JAKMIP1: variants seen among roughly 807,000 people sequenced by gnomAD.
The protein encoded by JAKMIP1 is janus kinase and microtubule interacting protein 1.
A neutral mutation model predicts 113.0 loss-of-function variants in JAKMIP1; 33 were observed. That is an observed-to-expected ratio of 0.29 (90% CI 0.22 to 0.39). The LOEUF is 0.39. Among genes scored for constraint, JAKMIP1 ranks in the 10% least tolerant of loss-of-function variants. The pLI is 1.00. For missense variants in JAKMIP1, 813 were observed against 1,080.5 expected (o/e 0.75, Z 3.47); for synonymous variants, 480 against 459.9 (o/e 1.04, Z -0.56).
At chr4:6,120,180 CTTT>C (rs11370537) in intron 1 of JAKMIP1, among the ~76,000 whole-genome samples, 2 of 146,690 alleles carry the variant, frequency 1.4e-5, no homozygotes, top group Admixed American at 6.8e-5. Context: ...TCTAGCCACA[CTTT>C]TTTTTTTTTT....
chr4:6,066,820 C>T (rs1271508856), intron 8 of JAKMIP1, among the ~76,000 whole-genome samples: 1 of 152,164 alleles, frequency 6.6e-6, no homozygotes, highest in African/African-American at 2.4e-5. Context: ...AGGCAGGCTA[C>T]AAGTGGTCTG....
chr4:6,166,023 C>T (rs777257473), intron 1 of JAKMIP1, among the ~76,000 whole-genome samples: 28 of 152,166 alleles, frequency 1.8e-4, no homozygotes, highest in Non-Finnish European at 3.2e-4. Flanking sequence ...TCCACTTTCA[C>T]GTCACCTCCT....
intron 1 of JAKMIP1, among the ~76,000 whole-genome samples, chr4:6,123,368 G>A (rs1431764701): frequency 6.6e-6 from 1 of 152,202 alleles, no homozygotes; most frequent in Non-Finnish European, 1.5e-5. Context: ...GGGCCTAAGG[G>A]ACACAGGGAA....
rs779293050 is a variant in JAKMIP1, at chr4:6,157,605, G to A, written c.-148+42648C>T. On this transcript the variant is annotated intron_variant, in intron 1 of 20. Transcript: ENST00000409021. This position sits in a 1 kb window ranked among gnomAD's most constrained non-coding sequence, Gnocchi z 4.7. The stretch of plus-strand genomic sequence containing the variant: ...ATCACAACTCAGAACCGGGATCTCC[G>A]AGCTACAATCCCACCAGAATCCCAG... Among the ~76,000 whole-genome samples the A allele has an allele frequency of 1.4e-4, 21 of 152,056 alleles. No homozygotes were observed. The highest frequency in any genetic ancestry group is 2.6e-4 in the Admixed American group (4 of 15,278).
chr4:6,102,948 T>A (rs1713318515), intron 3 of JAKMIP1, among the ~76,000 whole-genome samples: 1 of 151,924 alleles, frequency 6.6e-6, no homozygotes, highest in Non-Finnish European at 1.5e-5. Context: ...TTAGCCAGGA[T>A]GGTCTCAATC....
chr4:6,107,964 G>A (rs533600949), intron 2 of JAKMIP1, among the ~76,000 whole-genome samples: 4 of 152,146 alleles, frequency 2.6e-5, no homozygotes, highest in Admixed American at 6.5e-5. Flanking sequence ...CTGCATCAGG[G>A]GTGGGCAGCC....
chr4:6,097,468 CT>C lies in JAKMIP1; in HGVS notation c.624+8004del, dbSNP rs923947237. Among the ~76,000 whole-genome samples the C allele has an allele frequency of 1.2e-4, 18 of 152,096 alleles. No homozygotes were observed. The highest frequency in any genetic ancestry group is 2.6e-4 in the Non-Finnish European group (18 of 68,018). ...CACAGCTGATGGGGGCTAGGGGGATCTTTTTTCCCCTTGGGTATGCTAAATA... is the reference window on the plus strand; with the variant it reads ...CACAGCTGATGGGGGCTAGGGGGATCTTTTTCCCCTTGGGTATGCTAAATA... On this transcript the variant is annotated intron_variant, in intron 3 of 20. Coordinates refer to ENST00000409021, the MANE Select transcript of JAKMIP1 (RefSeq NM_001099433.2). This position sits in a 1 kb window ranked among gnomAD's most constrained non-coding sequence, Gnocchi z 4.3.
At position 6,065,159 on chromosome 4, in the gene JAKMIP1, G is replaced by A. The variant is rs760041349; in HGVS notation, c.1303-151C>T. On this transcript the variant is annotated intron_variant, in intron 8 of 20. Transcript: ENST00000409021. The surrounding 1 kb of genome is among the most constrained non-coding windows in gnomAD (Gnocchi z 5.1). ...GATGCGGTTGGTGGGCTTCGTAACT[G>A]ACTGGGTGGGATAAAAGGTGGCAGC... 6.3e-6 allele frequency: 6 copies of A among 954,352 alleles called. No homozygotes were observed. Among genetic ancestry groups the A allele is most frequent in the Non-Finnish European group, 9.8e-6 (6 of 612,946 alleles). 59.1% of individuals were successfully genotyped at this position (954,352 alleles called of 1,614,324 possible). A position where few individuals can be genotyped will look rare whatever the true frequency, so the allele number is the denominator to read the frequency against.
At chr4:6,107,027 G>A (rs1004613111) in intron 2 of JAKMIP1, among the ~76,000 whole-genome samples, 1 of 152,108 alleles carries the variant, frequency 6.6e-6, no homozygotes, top group Non-Finnish European at 1.5e-5. Flanking sequence ...AGGTAAAAAA[G>A]CAAATAAAAC....
Position 6,070,489 on chromosome 4 carries a change from G to A in JAKMIP1, c.1303-5481C>T, listed in dbSNP as rs562511702. Reference sequence around the variant, plus strand: ...TCCAGGGGCGGGATAGGGTGCCTTCGTCACAGAGGACAGCCTCCGAACCAG... The same window carrying A: ...TCCAGGGGCGGGATAGGGTGCCTTCATCACAGAGGACAGCCTCCGAACCAG... On this transcript the variant is annotated intron_variant, in intron 8 of 20. Transcript: ENST00000409021. Among the ~76,000 whole-genome samples the A allele has an allele frequency of 2.6e-4, 39 of 152,342 alleles. 1 individual carries two copies. The highest frequency in any genetic ancestry group is 1.5e-3 in the East Asian group (8 of 5,178).
chr4:6,139,334 C>T lies in JAKMIP1; in HGVS notation c.-147-26337G>A, dbSNP rs549466666. On this transcript the variant is annotated intron_variant, in intron 1 of 20. Coordinates refer to ENST00000409021, the MANE Select transcript of JAKMIP1 (RefSeq NM_001099433.2). The surrounding 1 kb of genome is among the most constrained non-coding windows in gnomAD (Gnocchi z 5.2). ...GTGAAAGGGTTTAAATTGTGTCACT[C>T]CCAAATTCATACGCTGAGGTCCTAA... Among the ~76,000 whole-genome samples the T allele has an allele frequency of 3.4e-4, 52 of 152,252 alleles. No homozygotes were observed. Among genetic ancestry groups the T allele is most frequent in the Non-Finnish European group, 6.8e-4 (46 of 68,028 alleles).
chr4:6,103,301 G>A (rs535155152), intron 3 of JAKMIP1, among the ~76,000 whole-genome samples: 1 of 152,072 alleles, frequency 6.6e-6, no homozygotes, highest in South Asian at 2.1e-4. Context: ...TTATTATGTT[G>A]AATTATATTC....
At chr4:6,096,665 T>C (rs1332150281) in intron 3 of JAKMIP1, among the ~76,000 whole-genome samples, 2 of 152,364 alleles carry the variant, frequency 1.3e-5, no homozygotes, top group East Asian at 3.9e-4. Flanking sequence ...ACATAACTTT[T>C]ACCCTGTAAA....
intron 2 of JAKMIP1, among the ~76,000 whole-genome samples, chr4:6,107,351 G>A (rs1002847745): frequency 6.6e-5 from 10 of 152,316 alleles, no homozygotes; most frequent in Admixed American, 4.6e-4. Flanking sequence ...GATGAGCTGC[G>A]TTTCCCCAGG....
rs1723829455 is a variant in JAKMIP1 at position 6,167,796 on chromosome 4, C to T, written c.-148+32457G>A. Among the ~76,000 whole-genome samples the T allele has an allele frequency of 6.6e-6, 1 of 152,218 alleles. No individual in the cohort carries two copies. Among genetic ancestry groups the T allele is most frequent in the Non-Finnish European group, 1.5e-5 (1 of 68,036 alleles). ...GGCTCTATGGCTGTCTTAAATTTCACTTGTGAGCATCTCAACTTGAAAATT... is the reference window on the plus strand; with the variant it reads ...GGCTCTATGGCTGTCTTAAATTTCATTTGTGAGCATCTCAACTTGAAAATT... On this transcript the variant is annotated intron_variant, in intron 1 of 20. Coordinates refer to ENST00000409021, the MANE Select transcript of JAKMIP1 (RefSeq NM_001099433.2). This position sits in a 1 kb window ranked among gnomAD's most constrained non-coding sequence, Gnocchi z 5.3.
chr4:6,192,838 T>C lies in JAKMIP1; in HGVS notation c.-148+7415A>G, dbSNP rs1183062368. Among the ~76,000 whole-genome samples, 1 of 152,174 alleles carries C rather than the reference T, an allele frequency of 6.6e-6. No individual in the cohort carries two copies. The highest frequency in any genetic ancestry group is 2.4e-5 in the African/African-American group (1 of 41,446). On this transcript the variant is annotated intron_variant, in intron 1 of 20. Transcript: ENST00000409021. The surrounding 1 kb of genome is among the most constrained non-coding windows in gnomAD (Gnocchi z 5.0). ...TGATGGGAACCAGGGGCACAGCCGC[T>C]ATCTGGGACAGTCAAAGACCTCCCC...
In JAKMIP1 at chr4:6,183,509, T is replaced by TAAATAAATAAA. The variant is rs1553864677; in HGVS notation, c.-148+16743_-148+16744insTTTATTTATTT. 1.2e-4 allele frequency among the ~76,000 whole-genome samples: 18 copies of TAAATAAATAAA among 151,066 alleles called. No homozygotes were observed. The highest frequency in any genetic ancestry group is 4.4e-4 in the African/African-American group (18 of 41,228). The stretch of plus-strand genomic sequence containing the variant: ...ATAAATAAATAAATAAATAAATAAA[T>TAAATAAATAAA]TTAAAAAAGAAAGTAAAATGGAACA... On this transcript the variant is annotated intron_variant, in intron 1 of 20. Transcript: ENST00000409021. The surrounding 1 kb of genome is among the most constrained non-coding windows in gnomAD (Gnocchi z 5.3).
intron 1 of JAKMIP1, among the ~76,000 whole-genome samples, chr4:6,171,418 C>G (rs889014734): frequency 6.6e-6 from 1 of 151,824 alleles, no homozygotes; most frequent in South Asian, 2.1e-4. Context: ...CCACCATCAT[C>G]ACCACTACCA....
chr4:6,079,797 AAACC>A lies in JAKMIP1; in HGVS notation c.1242+371_1242+374del, dbSNP rs748798975. 2.0e-3 allele frequency among the ~76,000 whole-genome samples: 301 copies of A among 152,012 alleles called. 2 individuals carry two copies. In the Middle Eastern group the frequency reaches 0.027, roughly 14 times the overall value. On this transcript the variant is annotated intron_variant, in intron 7 of 20. Transcript: ENST00000409021. ...TCACAGTCTGCAACTGCTAAGCTAA[AAACC>A]AACCAACCAACCAACCAAACAAACA...
Sources: gnomAD v4.1 joint callset for allele counts (sites outside exome capture counted in the v4.1 genomes callset) on GRCh38, gnomAD v4.1.1 for gene constraint, Gnocchi (gnomAD v3.1) non-coding constraint, MANE v1.5 for transcripts, NCBI Gene and HGNC (gene_info 2026-07-23, HGNC 2026-07-21) for gene names.